Variants in CHRM3 observed in about 807,000 individuals in gnomAD.
CHRM3 encodes cholinergic receptor muscarinic 3.
CHRM3 carries 11 observed loss-of-function variants against 41.8 expected under a neutral mutation model. That is an observed-to-expected ratio of 0.26 (90% CI 0.17 to 0.44). CHRM3 has a LOEUF of 0.44. CHRM3 is among the 20% of genes least tolerant of loss of function. The pLI, the probability that CHRM3 is intolerant of heterozygous loss-of-function variation, is 1.00. For missense variants in CHRM3, 571 were observed against 745.4 expected, an observed-to-expected ratio of 0.77 and a Z score of 2.72; for synonymous variants, 297 against 301.4, an observed-to-expected ratio of 0.99 and a Z score of 0.15.
rs113168282 is a variant in CHRM3 at position 239,819,539 on chromosome 1, G to A, written c.-146-7713G>A. Among the ~76,000 whole-genome samples, 14 of 152,216 alleles carry A rather than the reference G, an allele frequency of 9.2e-5. 1 individual carries two copies. Among genetic ancestry groups the A allele is most frequent in the African/African-American group, 3.4e-4 (14 of 41,538 alleles). Reference sequence around the variant, plus strand: ...GAGCTACATACATATTTAAGCAATCGGGGAAATTTGATCAAAAAGTTCAAT... The same window carrying A: ...GAGCTACATACATATTTAAGCAATCAGGGAAATTTGATCAAAAAGTTCAAT... On this transcript the variant is annotated intron_variant, in intron 5 of 6. Coordinates refer to ENST00000676153, the MANE Select transcript of CHRM3 (RefSeq NM_001375978.1).
At chr1:239,695,616 A>G (rs1045944835) in intron 5 of CHRM3, among the ~76,000 whole-genome samples, 1 of 152,106 alleles carries the variant, frequency 6.6e-6, no homozygotes, top group Non-Finnish European at 1.5e-5. Context: ...AGCTTCAGTG[A>G]TAAAAATGCA....
intron 1 of CHRM3, among the ~76,000 whole-genome samples, chr1:239,427,872 G>C (rs186591593): frequency 7.2e-4 from 110 of 152,230 alleles, no homozygotes; most frequent in Admixed American, 1.1e-3. Flanking sequence ...CACATATGCA[G>C]GATCAAAGTA....
intron 6 of CHRM3, among the ~76,000 whole-genome samples, chr1:239,889,587 A>C (rs1255965980): frequency 6.6e-6 from 1 of 152,166 alleles, no homozygotes; most frequent in East Asian, 1.9e-4. Flanking sequence ...TTTTTGTTGA[A>C]AGGGAAGCTC....
intron 4 of CHRM3, among the ~76,000 whole-genome samples, chr1:239,638,232 T>C (rs1318742756): frequency 6.6e-6 from 1 of 151,062 alleles, no homozygotes. Flanking sequence ...TACGTGTGCA[T>C]GTGTCTTTAT....
chr1:239,726,122 T>C (rs924002416), intron 5 of CHRM3, among the ~76,000 whole-genome samples: 1 of 151,950 alleles, frequency 6.6e-6, no homozygotes, highest in Non-Finnish European at 1.5e-5. Flanking sequence ...AGCTGAGTAA[T>C]TCCAACAATG....
chr1:239,599,428 G>GT (rs34882749), intron 3 of CHRM3, among the ~76,000 whole-genome samples: 2,084 of 138,456 alleles, frequency 0.015, 50 homozygotes, highest in African/African-American at 0.048. Context: ...TCTGTTTACT[G>GT]TTTTTTTTTT....
At chr1:239,662,893 C>CTCCTCCTCCTCTTCTTCTTCT (rs377732277) in intron 4 of CHRM3, among the ~76,000 whole-genome samples, 5 of 46,346 alleles carry the variant, frequency 1.1e-4, no homozygotes, top group African/African-American at 4.0e-4. Context: ...CTTCCTCCTC[C>CTCCTCCTCCTCTTCTTCTTCT]TCTTCTTCTT....
chr1:239,873,050 T>G (rs996092063), intron 6 of CHRM3, among the ~76,000 whole-genome samples: 1 of 152,172 alleles, frequency 6.6e-6, no homozygotes, highest in Non-Finnish European at 1.5e-5. Context: ...GCACAGCTAT[T>G]CATGGGATCC....
At chr1:239,661,509 A>T (rs999101482) in intron 4 of CHRM3, among the ~76,000 whole-genome samples, 2 of 152,214 alleles carry the variant, frequency 1.3e-5, no homozygotes, top group African/African-American at 4.8e-5. Flanking sequence ...TGTTGTGTAA[A>T]GACATGGAGG....
intron 3 of CHRM3, among the ~76,000 whole-genome samples, chr1:239,566,730 T>A (rs1189383513): frequency 6.6e-6 from 1 of 152,216 alleles, no homozygotes; most frequent in African/African-American, 2.4e-5. Context: ...TCAACTTTCA[T>A]GGGGAAATGT....
chr1:239,607,468 G>A (rs950826798), intron 3 of CHRM3, among the ~76,000 whole-genome samples: 1 of 151,920 alleles, frequency 6.6e-6, no homozygotes, highest in Non-Finnish European at 1.5e-5. Context: ...TTGTTTTTAT[G>A]TCCCTAGGGA....
intron 1 of CHRM3, among the ~76,000 whole-genome samples, chr1:239,482,069 A>G (rs1419052621): frequency 6.6e-6 from 1 of 151,122 alleles, no homozygotes; most frequent in Non-Finnish European, 1.5e-5. Flanking sequence ...TATTTTTTTC[A>G]TTTTCTCTTC....
At chr1:239,422,570 C>T (rs529031316) in intron 1 of CHRM3, among the ~76,000 whole-genome samples, 44 of 151,934 alleles carry the variant, frequency 2.9e-4, no homozygotes, top group African/African-American at 8.9e-4. Flanking sequence ...CTGAGGCAGG[C>T]GGATCATGAG....
intron 5 of CHRM3, chr1:239,703,312 A>C (rs1660855789): frequency 6.6e-6 from 1 of 152,228 alleles, no homozygotes. Flanking sequence ...AAAAAGCAAA[A>C]TGTGAGTCAA....
At chr1:239,479,228 A>ACACG (rs1286761130) in intron 1 of CHRM3, among the ~76,000 whole-genome samples, 1 of 151,686 alleles carries the variant, frequency 6.6e-6, no homozygotes, top group East Asian at 1.9e-4. Flanking sequence ...ACACACACAC[A>ACACG]CAGAAAAACA....
chr1:239,532,789 T>C (rs1368067231), intron 2 of CHRM3, among the ~76,000 whole-genome samples: 1 of 152,166 alleles, frequency 6.6e-6, no homozygotes, highest in African/African-American at 2.4e-5. Flanking sequence ...AAGTTTAATA[T>C]AATCTCTCCT....
intron 3 of CHRM3, among the ~76,000 whole-genome samples, chr1:239,604,724 T>G (rs193197085): frequency 6.6e-6 from 1 of 152,344 alleles, no homozygotes; most frequent in East Asian, 1.9e-4. Flanking sequence ...CTGAGAACTT[T>G]TAGATATTTT....
chr1:239,802,756 C>T (rs1403926908), intron 5 of CHRM3, among the ~76,000 whole-genome samples: 1 of 152,112 alleles, frequency 6.6e-6, no homozygotes, highest in Non-Finnish European at 1.5e-5. Context: ...CACCACCACG[C>T]CCAGCTAATT....
intron 5 of CHRM3, among the ~76,000 whole-genome samples, chr1:239,763,113 C>CT (rs1482047939): frequency 6.6e-6 from 1 of 152,088 alleles, no homozygotes; most frequent in East Asian, 1.9e-4. Context: ...TTCCCTTTTG[C>CT]TTTTTTTGTT....
Sources: allele counts gnomAD v4.1 joint callset (sites outside exome capture counted in the v4.1 genomes callset), GRCh38; gene constraint gnomAD v4.1.1; transcripts MANE v1.5; gene names NCBI Gene and HGNC (gene_info 2026-07-23, HGNC 2026-07-21).